Variants in PFDN1 observed in about 807,000 individuals in gnomAD.
PFDN1 encodes the protein prefoldin subunit 1.
PFDN1 carries 6 observed loss-of-function variants against 17.3 expected under a neutral mutation model. The ratio of observed to expected loss-of-function variants is 0.35; its 90% CI spans 0.19 to 0.69. PFDN1 has a LOEUF of 0.69. Ranked by LOEUF, PFDN1 falls within the 30% of genes least tolerant of loss-of-function variation. The pLI, the probability that PFDN1 is intolerant of heterozygous loss-of-function variation, is 0.65. For synonymous variants in PFDN1, 58 were observed against 50.1 expected (o/e 1.16, Z -0.67); for missense variants, 113 against 146.2 (o/e 0.77, Z 1.17).
At chr5:140,270,867 A>G (rs1561503035) in intron 3 of PFDN1, among the ~76,000 whole-genome samples, 1 of 152,136 alleles carries the variant, frequency 6.6e-6, no homozygotes, top group Middle Eastern at 3.2e-3. Flanking sequence ...TGGAGCTTGC[A>G]GTGAGCCAAG....
chr5:140,282,257 A>C lies in PFDN1; in HGVS notation c.201-724T>G, dbSNP rs146811648. Among the ~76,000 whole-genome samples the C allele has an allele frequency of 3.3e-3, 498 of 151,946 alleles. 4 individuals carry two copies. The highest frequency in any genetic ancestry group is 0.012 in the African/African-American group (479 of 41,522). On this transcript the variant is annotated intron_variant, in intron 2 of 3. Transcript: ENST00000261813. Reference sequence around the variant, plus strand: ...AAGTAGATTCATATGTAAAAGAAAAAATAATAAAGGAATAAAAATATATCA... The same window carrying C: ...AAGTAGATTCATATGTAAAAGAAAACATAATAAAGGAATAAAAATATATCA...
At chr5:140,280,121 T>A (rs1251884038) in intron 3 of PFDN1, among the ~76,000 whole-genome samples, 2 of 151,884 alleles carry the variant, frequency 1.3e-5, no homozygotes, top group Non-Finnish European at 2.9e-5. Context: ...TTAATATATA[T>A]CCTTACATAT....
intron 3 of PFDN1, among the ~76,000 whole-genome samples, chr5:140,273,194 G>A (rs189751488): frequency 2.3e-4 from 34 of 149,362 alleles, no homozygotes; most frequent in Non-Finnish European, 3.0e-4. Flanking sequence ...GCAGTGAGCC[G>A]AGATCGTGCC....
At chr5:140,247,141 T>A (rs1282572318) in intron 3 of PFDN1, among the ~76,000 whole-genome samples, 3 of 152,156 alleles carry the variant, frequency 2.0e-5, no homozygotes, top group Non-Finnish European at 2.9e-5. Flanking sequence ...TAGTTGTTTG[T>A]ATGTTTTATT....
intron 2 of PFDN1, among the ~76,000 whole-genome samples, chr5:140,290,690 G>T (rs1561516391): frequency 6.6e-6 from 1 of 152,200 alleles, no homozygotes; most frequent in East Asian, 1.9e-4. Flanking sequence ...AAAGAAGCAA[G>T]AAAGAAATTA....
intron 2 of PFDN1, among the ~76,000 whole-genome samples, chr5:140,286,736 G>C (rs1765500611): frequency 6.6e-6 from 1 of 151,154 alleles, no homozygotes; most frequent in African/African-American, 2.4e-5. Context: ...CTCTGGAGTA[G>C]CTAGGATTAT....
chr5:140,250,328 T>C (rs1384744629), intron 3 of PFDN1, among the ~76,000 whole-genome samples: 3 of 152,216 alleles, frequency 2.0e-5, no homozygotes, highest in Non-Finnish European at 4.4e-5. Context: ...ACCAGGTATG[T>C]TCCTGCCTGG....
At chr5:140,288,927 G>A (rs757957242) in intron 2 of PFDN1, among the ~76,000 whole-genome samples, 1 of 151,794 alleles carries the variant, frequency 6.6e-6, no homozygotes, top group African/African-American at 2.4e-5. Context: ...GGAGTTTGCA[G>A]TGAGCCGAGA....
At chr5:140,257,140 T>C (rs1427836079) in intron 3 of PFDN1, among the ~76,000 whole-genome samples, 1 of 151,756 alleles carries the variant, frequency 6.6e-6, no homozygotes, top group Admixed American at 6.6e-5. Context: ...GGAGAATCGC[T>C]TGAGCCCGGG....
intron 2 of PFDN1, among the ~76,000 whole-genome samples, chr5:140,292,014 T>G (rs1291977751): frequency 1.3e-5 from 2 of 152,238 alleles, no homozygotes. Flanking sequence ...TAAAAATTAC[T>G]GCCTATTTTT....
intron 2 of PFDN1, among the ~76,000 whole-genome samples, chr5:140,285,079 C>T (rs73257091): frequency 0.28 from 41,804 of 151,972 alleles, 6,683 homozygotes; most frequent in African/African-American, 0.45. Flanking sequence ...ACACAATTTC[C>T]AAAGTATGGT....
chr5:140,278,026 T>C (rs760854973), intron 3 of PFDN1, among the ~76,000 whole-genome samples: 20 of 151,234 alleles, frequency 1.3e-4, no homozygotes, highest in Non-Finnish European at 2.5e-4. Flanking sequence ...CTGGCCAACA[T>C]GGTGAAACCC....
chr5:140,264,356 T>G (rs899275140), intron 3 of PFDN1, among the ~76,000 whole-genome samples: 3 of 152,214 alleles, frequency 2.0e-5, no homozygotes, highest in African/African-American at 7.2e-5. Flanking sequence ...CAAGATGATA[T>G]TAAGTGGCAG....
intron 3 of PFDN1, among the ~76,000 whole-genome samples, chr5:140,258,187 G>T (rs1252000787): frequency 6.6e-6 from 1 of 152,172 alleles, no homozygotes; most frequent in Non-Finnish European, 1.5e-5. Context: ...GAGAGCAAAA[G>T]TCAAATTTCC....
At chr5:140,284,772 A>C (rs1177175743) in intron 2 of PFDN1, among the ~76,000 whole-genome samples, 8 of 152,240 alleles carry the variant, frequency 5.3e-5, no homozygotes, top group African/African-American at 1.9e-4. Context: ...ATTCGAGTTG[A>C]TGCTTTGCAA....
At chr5:140,257,131 G>A (rs1764999778) in intron 3 of PFDN1, among the ~76,000 whole-genome samples, 1 of 151,658 alleles carries the variant, frequency 6.6e-6, no homozygotes, top group Non-Finnish European at 1.5e-5. Flanking sequence ...GCTGAGGCAG[G>A]AGAATCGCTT....
At chr5:140,279,802 C>A (rs1330474987) in intron 3 of PFDN1, among the ~76,000 whole-genome samples, 1 of 151,602 alleles carries the variant, frequency 6.6e-6, no homozygotes, top group Non-Finnish European at 1.5e-5. Context: ...TCGAGACCAG[C>A]CTGACCAACA....
intron 2 of PFDN1, among the ~76,000 whole-genome samples, chr5:140,287,305 T>C (rs932222992): frequency 1.3e-5 from 2 of 152,218 alleles, no homozygotes; most frequent in African/African-American, 4.8e-5. Context: ...GTCGGAGATA[T>C]CAGTATAAAC....
chr5:140,252,427 T>TGTC (rs1389526635), intron 3 of PFDN1, among the ~76,000 whole-genome samples: 1 of 152,110 alleles, frequency 6.6e-6, no homozygotes, highest in Non-Finnish European at 1.5e-5. Flanking sequence ...TGACCCTGAG[T>TGTC]GTGACCTGCC....
Sources: gnomAD v4.1 joint callset for allele counts (sites outside exome capture counted in the v4.1 genomes callset) on GRCh38, gnomAD v4.1.1 for gene constraint, MANE v1.5 for transcripts, NCBI Gene and HGNC (gene_info 2026-07-23, HGNC 2026-07-21) for gene names.